Variants in SPSB1 observed in about 807,000 individuals in gnomAD.
SPSB1 encodes SPRY domain-containing SOCS box protein 1.
Under a neutral mutation model 21.2 loss-of-function variants are expected in SPSB1, and 8 were observed. The observed-to-expected ratio is 0.38, with a 90% CI of 0.22 to 0.68. The LOEUF (loss-of-function observed/expected upper bound fraction) is 0.68, where lower values mean the gene tolerates loss of function less well. Ranked by LOEUF, SPSB1 falls within the 30% of genes least tolerant of loss-of-function variation. The pLI is 0.53. For synonymous variants in SPSB1, 169 were observed against 161.7 expected, an observed-to-expected ratio of 1.05 and a Z score of -0.34; for missense variants, 242 against 377.8, an observed-to-expected ratio of 0.64 and a Z score of 2.98.
intron 1 of SPSB1, chr1:9,339,245 T>C (rs1640052573): frequency 1.0e-6 from 1 of 985,242 alleles, no homozygotes; most frequent in African/African-American, 1.7e-5. Context: ...GCCTAGAATA[T>C]TCGAGAACTC....
At chr1:9,330,333 G>A (rs1314477021) in intron 1 of SPSB1, among the ~76,000 whole-genome samples, 1 of 152,160 alleles carries the variant, frequency 6.6e-6, no homozygotes, top group African/African-American at 2.4e-5. Context: ...AATTAGTCGG[G>A]CGTGGTGGTG....
intron 1 of SPSB1, among the ~76,000 whole-genome samples, chr1:9,325,230 C>CA (rs953997799): frequency 1.4e-5 from 2 of 142,512 alleles, no homozygotes; most frequent in Non-Finnish European, 3.0e-5. Context: ...CCACCACCCC[C>CA]CCCCCCCGCC....
At chr1:9,323,102 A>G (rs907600941) in intron 1 of SPSB1, among the ~76,000 whole-genome samples, 2 of 152,168 alleles carry the variant, frequency 1.3e-5, no homozygotes, top group African/African-American at 4.8e-5. Context: ...CCGGCCTTCG[A>G]GGACTTTGCG....
intron 1 of SPSB1, among the ~76,000 whole-genome samples, chr1:9,327,514 T>C (rs1639836699): frequency 6.6e-6 from 1 of 151,906 alleles, no homozygotes; most frequent in South Asian, 2.1e-4. Flanking sequence ...GCAGGCAGAC[T>C]GGGAGTGTAG....
At position 9,346,216 on chromosome 1, in the gene SPSB1, C is replaced by T. The variant is rs750030573; in HGVS notation, c.-149-9527C>T. 3.9e-5 allele frequency among the ~76,000 whole-genome samples: 6 copies of T among 152,346 alleles called. No individual in the cohort carries two copies. The highest frequency in any genetic ancestry group is 2.0e-4 in the Admixed American group (3 of 15,306). On this transcript the variant is annotated intron_variant, in intron 1 of 2. Transcript: ENST00000328089. The surrounding 1 kb of genome is among the most constrained non-coding windows in gnomAD (Gnocchi z 4.4). ...CGGGGCGGCAGAGGGAGGGAACTTACGTGATCTTCAGGTGAAAGGAGGCTT... is the reference window on the plus strand; with the variant it reads ...CGGGGCGGCAGAGGGAGGGAACTTATGTGATCTTCAGGTGAAAGGAGGCTT...
rs1197431300 is a variant in SPSB1 at position 9,293,207 on chromosome 1, G to T, written c.-150+136G>T. 24 of 948,824 alleles carry T rather than the reference G, an allele frequency of 2.5e-5. No homozygotes were observed. Among genetic ancestry groups the T allele is most frequent in the Non-Finnish European group, 3.0e-5 (24 of 797,974 alleles). The allele number at this position is 948,824 out of a possible 1,614,324, so 58.8% of individuals were successfully genotyped here. ...GAGTGGGTGGCGCGGGGCCGGGCGCGGGGGAGCGGGTGGAGTACGGGATGG... is the reference window on the plus strand; with the variant it reads ...GAGTGGGTGGCGCGGGGCCGGGCGCTGGGGAGCGGGTGGAGTACGGGATGG... On this transcript the variant is annotated intron_variant, in intron 1 of 2. Coordinates refer to ENST00000328089, the MANE Select transcript of SPSB1 (RefSeq NM_025106.4). This position sits in a 1 kb window ranked among gnomAD's most constrained non-coding sequence, Gnocchi z 5.1.
At chr1:9,350,089 G>A (rs1640232529) in intron 1 of SPSB1, among the ~76,000 whole-genome samples, 2 of 150,460 alleles carry the variant, frequency 1.3e-5, no homozygotes, top group Non-Finnish European at 3.0e-5. Flanking sequence ...ATACATACAC[G>A]CCTCACATAT....
intron 1 of SPSB1, among the ~76,000 whole-genome samples, chr1:9,296,065 C>A (rs1165267649): frequency 6.6e-6 from 1 of 152,136 alleles, no homozygotes; most frequent in Admixed American, 6.5e-5. Context: ...ACATCTCCCC[C>A]AGTCTAAAGT....
At position 9,293,606 on chromosome 1, in the gene SPSB1, G is replaced by T. The variant is rs1405170930; in HGVS notation, c.-150+535G>T. On this transcript the variant is annotated intron_variant, in intron 1 of 2. Coordinates refer to ENST00000328089, the MANE Select transcript of SPSB1 (RefSeq NM_025106.4). The surrounding 1 kb of genome is among the most constrained non-coding windows in gnomAD (Gnocchi z 5.1). ...GGGAGCCTGCCGGGGACACCCGAGCGCCGCCCTCCCCGCCGCCCCGGAGCC... is the reference window on the plus strand; with the variant it reads ...GGGAGCCTGCCGGGGACACCCGAGCTCCGCCCTCCCCGCCGCCCCGGAGCC... 6.6e-6 allele frequency among the ~76,000 whole-genome samples: 1 copy of T among 152,076 alleles called. No individual in the cohort carries two copies. Among genetic ancestry groups the T allele is most frequent in the Non-Finnish European group, 1.5e-5 (1 of 67,962 alleles).
chr1:9,294,094 G>A (rs909774254), intron 1 of SPSB1, among the ~76,000 whole-genome samples: 2 of 84,078 alleles, frequency 2.4e-5, no homozygotes, highest in African/African-American at 9.9e-5. Flanking sequence ...GTGTATGTCT[G>A]TGTGTCTTTG....
chr1:9,303,555 G>A (rs905230420), intron 1 of SPSB1, among the ~76,000 whole-genome samples: 2 of 152,218 alleles, frequency 1.3e-5, no homozygotes, highest in African/African-American at 2.4e-5. Context: ...TAGAACATGT[G>A]TTGAGTCTAT....
chr1:9,294,728 T>C (rs1376779371), intron 1 of SPSB1: 1 of 152,218 alleles, frequency 6.6e-6, no homozygotes, highest in Non-Finnish European at 1.5e-5. Context: ...AATTTTCTCG[T>C]TGGGGGGGCT....
Position 9,356,108 on chromosome 1 carries a change from C to A in SPSB1, c.217C>A (p.Leu73Ile). Residue 73 changes from leucine to isoleucine, a missense_variant, in exon 2 of 3, where the codon CTC (leucine) becomes ATC (isoleucine). By Grantham distance (5) the Leu-to-Ile change is conservative (BLOSUM62 2). Transcript: ENST00000328089. This position sits in a 1 kb window ranked among gnomAD's most constrained non-coding sequence, Gnocchi z 7.4. ...TGTCTTTGTGAAGGAGGACGACAAG[C>A]TCATCTTTCACCGGCATCCGGTGGC... ...LNVFVKEDDK[L>I]IFHRHPVAQS... 1 of 1,605,380 alleles carries A rather than the reference C, an allele frequency of 6.2e-7. No homozygotes were observed. The highest frequency in any genetic ancestry group is 8.5e-7 in the Non-Finnish European group (1 of 1,173,452).
At chr1:9,308,231 G>A (rs1230841112) in intron 1 of SPSB1, among the ~76,000 whole-genome samples, 2 of 152,212 alleles carry the variant, frequency 1.3e-5, no homozygotes, top group Non-Finnish European at 2.9e-5. Flanking sequence ...TGCCAGTGCT[G>A]TTGGGGCAGT....
At chr1:9,354,774 C>G (rs1479916870) in intron 1 of SPSB1, among the ~76,000 whole-genome samples, 1 of 151,774 alleles carries the variant, frequency 6.6e-6, no homozygotes, top group African/African-American at 2.4e-5. Flanking sequence ...GCACTCCAGC[C>G]TGGGCGACAG....
intron 1 of SPSB1, among the ~76,000 whole-genome samples, chr1:9,301,374 C>G (rs2100461139): frequency 6.6e-6 from 1 of 152,248 alleles, no homozygotes; most frequent in East Asian, 1.9e-4. Context: ...GTAGCTCATG[C>G]CTGCAGTCCC....
chr1:9,323,173 G>A (rs759823990), intron 1 of SPSB1, among the ~76,000 whole-genome samples: 2 of 152,238 alleles, frequency 1.3e-5, no homozygotes, highest in African/African-American at 2.4e-5. Context: ...GGGTATCCAT[G>A]GGGCCTCTGT....
intron 1 of SPSB1, among the ~76,000 whole-genome samples, chr1:9,314,919 G>T (rs773387725): frequency 1.3e-4 from 20 of 152,238 alleles, no homozygotes; most frequent in Non-Finnish European, 2.2e-4. Context: ...AGCATGTCCT[G>T]CACACAGGAG....
At chr1:9,336,469 A>G (rs1025695489) in intron 1 of SPSB1, among the ~76,000 whole-genome samples, 1 of 151,948 alleles carries the variant, frequency 6.6e-6, no homozygotes, top group Admixed American at 6.6e-5. Flanking sequence ...CAGGTGATCC[A>G]CCTGCCTCGG....
Sources: allele counts gnomAD v4.1 joint callset (sites outside exome capture counted in the v4.1 genomes callset), GRCh38; gene constraint gnomAD v4.1.1; non-coding constraint Gnocchi (gnomAD v3.1); transcripts MANE v1.5; gene names NCBI Gene and HGNC (gene_info 2026-07-23, HGNC 2026-07-21).